TUT1: variants seen among roughly 807,000 people sequenced by gnomAD.
TUT1 encodes speckle targeted PIP5K1A-regulated poly(A) polymerase.
A neutral mutation model predicts 48.8 loss-of-function variants in TUT1; 26 were observed. The observed-to-expected ratio is 0.53, with a 90% CI of 0.39 to 0.74. The LOEUF is 0.74. Ranked by LOEUF, TUT1 falls within the 30% of genes least tolerant of loss-of-function variation. The pLI, the probability that TUT1 is intolerant of heterozygous loss-of-function variation, is 0.00. For missense variants in TUT1, 1,065 were observed against 1,114.8 expected (o/e 0.96, Z 0.64); for synonymous variants, 470 against 460.8 (o/e 1.02, Z -0.26).
rs1941770683 is a variant in TUT1 at position 62,578,627 on chromosome 11, C to T, written c.1094G>A (p.Arg365Gln). The change falls in exon 5 of 9, where the codon CGG (arginine) becomes CAG (glutamine). Residue 365 changes from arginine (R) to glutamine (Q), a missense_variant. Arg to Gln is a conservative substitution (Grantham distance 43, BLOSUM62 1). Coordinates refer to ENST00000476907, the MANE Select transcript of TUT1 (RefSeq NM_022830.3). ...ATGACAGAACTTGACCACAGGGCGCCGGGCAGAGGGCACAGTTTGGACTCG... is the reference window on the plus strand; with the variant it reads ...ATGACAGAACTTGACCACAGGGCGCTGGGCAGAGGGCACAGTTTGGACTCG... ...VYRVQTVPSA[R>Q]RPVVKFCHRP... 1.2e-6 allele frequency: 2 copies of T among 1,614,088 alleles called. No individual in the cohort carries two copies. The highest frequency in any genetic ancestry group is 1.7e-6 in the Non-Finnish European group (2 of 1,179,994).
Position 62,589,161 on chromosome 11 carries a change from G to T in TUT1, c.143C>A (p.Ala48Asp). 6.2e-7 allele frequency: 1 copy of T among 1,614,248 alleles called. No individual in the cohort carries two copies. ...TCGAAGTCCCTGGGCCTTTCTCGCA[G>T]CTCGTAGTTCTACCAGGTGCCGGTG... ...RKHRHLVELR[A>D]ARKAQGLRSV... Residue 48 changes from alanine (A) to aspartate (D), a missense_variant, in exon 2 of 9, where the codon GCT (alanine) becomes GAT (aspartate). Physicochemically the swap from Ala to Asp is moderately radical, Grantham distance 126 (BLOSUM62 -2). Coordinates refer to ENST00000476907, the MANE Select transcript of TUT1 (RefSeq NM_022830.3).
At chr11:62,581,270 C>CA in intron 3 of TUT1, 64 bp from the exon 4 acceptor site, 1 of 1,581,052 alleles carries the variant, frequency 6.3e-7, no homozygotes, top group Non-Finnish European at 8.7e-7. Context: ...AAGAACAAAA[C>CA]AGAGCACAAA....
At chr11:62,587,021 C>T (rs1941928179) in intron 2 of TUT1, among the ~76,000 whole-genome samples, 1 of 134,904 alleles carries the variant, frequency 7.4e-6, no homozygotes, top group Non-Finnish European at 1.5e-5. Flanking sequence ...AATACTTTTT[C>T]TAAAGGCCTC....
intron 2 of TUT1, among the ~76,000 whole-genome samples, chr11:62,586,448 A>G (rs539556219): frequency 1.4e-4 from 21 of 152,362 alleles, no homozygotes; most frequent in African/African-American, 5.0e-4. Context: ...TAATGTGCTT[A>G]GCACACAATT....
rs144904888 is a variant in TUT1, at chr11:62,575,923, G to A, written c.1796C>T (p.Ser599Phe). Residue 599 changes from serine to phenylalanine, a missense_variant, in exon 9 of 9, where the codon TCC becomes TTC. Coordinates refer to ENST00000476907, the MANE Select transcript of TUT1 (RefSeq NM_022830.3). ...WGLLPLLQPS[S>F]PSSLLSATPI... ...CGTAGCAGAGAGCAGGGAGCTGGGGGAGCTGGGCTGCAGAAGAGGGAGCAG... is the reference window on the plus strand; with the variant it reads ...CGTAGCAGAGAGCAGGGAGCTGGGGAAGCTGGGCTGCAGAAGAGGGAGCAG... 9 of 1,614,172 alleles carry A rather than the reference G, an allele frequency of 5.6e-6. No homozygotes were observed. The Admixed American group carries it at 6.7e-5, about 12-fold the overall frequency.
At position 62,577,009 on chromosome 11, in the gene TUT1, G is replaced by A; in HGVS notation, c.1279C>T (p.Pro427Ser). 1 of 1,613,880 alleles carries A rather than the reference G, an allele frequency of 6.2e-7. No homozygotes were observed. Among genetic ancestry groups the A allele is most frequent in the Admixed American group, 1.7e-5 (1 of 60,000 alleles). The change falls in exon 7 of 9, where the codon CCC becomes TCC. Residue 427 changes from proline to serine, a missense_variant. Coordinates refer to ENST00000476907, the MANE Select transcript of TUT1 (RefSeq NM_022830.3). ...AQGRGLSGSG[P>S]LLSNYALTLL... ...GTCAGGGCGTAGTTACTGAGAAGGG[G>A]GCCACTCCCTGGGTAAATAAGCAAT... is the stretch of plus-strand genomic sequence containing the variant.
intron 3 of TUT1, 39 bp from the exon 4 acceptor site, chr11:62,581,245 G>A: frequency 6.3e-7 from 1 of 1,598,624 alleles, no homozygotes; most frequent in Non-Finnish European, 8.6e-7. Flanking sequence ...AGAGAAGTTA[G>A]GGAGGAGCAG....
chr11:62,577,503 C>G (rs1368288216), intron 5 of TUT1, among the ~76,000 whole-genome samples: 1 of 151,170 alleles, frequency 6.6e-6, no homozygotes, highest in African/African-American at 2.4e-5. Flanking sequence ...TGGACATTCA[C>G]AGCACATTAT....
chr11:62,575,611 C>G lies in TUT1; in HGVS notation c.2108G>C (p.Trp703Ser). The stretch of plus-strand genomic sequence containing the variant: ...TGGCTGCCCAGGGCTCTGCATGGCC[C>G]AGTCCTGCACCATCTCTCCAACCTC... ...VIEVGEMVQD[W>S]AMQSPGQPGD... The change falls in exon 9 of 9, where the codon TGG becomes TCG. Residue 703 changes from tryptophan to serine, a missense_variant. Coordinates refer to ENST00000476907, the MANE Select transcript of TUT1 (RefSeq NM_022830.3). The G allele has an allele frequency of 6.2e-7, 1 of 1,614,224 alleles. No homozygotes were observed. Among genetic ancestry groups the G allele is most frequent in the Admixed American group, 1.7e-5 (1 of 60,032 alleles).
intron 2 of TUT1, among the ~76,000 whole-genome samples, chr11:62,587,225 A>AG (rs1332235829): frequency 1.3e-5 from 2 of 152,010 alleles, no homozygotes; most frequent in Admixed American, 6.6e-5. Context: ...CTTGTTGCCC[A>AG]GGCTGGAATG....
rs1352161296 is a variant in TUT1 at position 62,581,128 on chromosome 11, A to G, written c.668T>C (p.Leu223Pro). 1 of 1,614,174 alleles carries G rather than the reference A, an allele frequency of 6.2e-7. No individual in the cohort carries two copies. ...CACCTGGGGCTCTTCCAAGTCACCC[A>G]GATCCAAGAAGAGGTCAAGATCACA... ...HGCDLDLFLD[L>P]GDLEEPQPVP... Residue 223 changes from leucine (L) to proline (P), a missense_variant, in exon 4 of 9, where the codon CTG (leucine) becomes CCG (proline). Leu to Pro is a moderately conservative substitution (Grantham distance 98). Coordinates refer to ENST00000476907, the MANE Select transcript of TUT1 (RefSeq NM_022830.3).
At position 62,575,098 on chromosome 11, in the gene TUT1, T is replaced by C. The variant is rs1224366855; in HGVS notation, c.2621A>G (p.Lys874Arg). 6.4e-7 allele frequency: 1 copy of C among 1,561,802 alleles called. No homozygotes were observed. The highest frequency in any genetic ancestry group is 8.7e-7 in the Non-Finnish European group (1 of 1,153,024). Residue 874 changes from lysine (K) to arginine (R), a missense_variant, in exon 9 of 9, where the codon AAG becomes AGG. Coordinates refer to ENST00000476907, the MANE Select transcript of TUT1 (RefSeq NM_022830.3). ...VFLPQAIRHL[K>R] ...TGCCCTTCAGGGGCCATGTCTTCAC[T>C]TGAGATGTCGAATTGCTTGAGGGAG...
rs1941787413 is a variant in TUT1 at position 62,579,231 on chromosome 11, AT to A, written c.691-202del. Among the ~76,000 whole-genome samples the A allele has an allele frequency of 2.0e-5, 3 of 152,204 alleles. No homozygotes were observed. In the South Asian group the frequency reaches 6.2e-4, roughly 32 times the overall value. Reference sequence around the variant, plus strand: ...AATAAAAGGTCTACCTCTGCAAAAAATGTCATTGTCGTGAAAGACAAAAACA... The same window carrying A: ...AATAAAAGGTCTACCTCTGCAAAAAAGTCATTGTCGTGAAAGACAAAAACA... On this transcript the variant is annotated intron_variant, in intron 4 of 8. Coordinates refer to ENST00000476907, the MANE Select transcript of TUT1 (RefSeq NM_022830.3).
In TUT1 at chr11:62,591,435, G is replaced by A; in HGVS notation, c.51C>T (p.Arg17=). 6.2e-7 allele frequency: 1 copy of A among 1,605,848 alleles called. No homozygotes were observed. Among genetic ancestry groups the A allele is most frequent in the Non-Finnish European group, 8.5e-7 (1 of 1,176,292 alleles). ...DVESLPRGGF[R]CCLCHVTTAN... ...CTGTAGTAACGTGGCAGAGGCAGCAGCGGAACCCCCCACGCGGCAGCGATT... is the reference window on the plus strand; with the variant it reads ...CTGTAGTAACGTGGCAGAGGCAGCAACGGAACCCCCCACGCGGCAGCGATT... The change falls in exon 1 of 9, where the codon CGC becomes CGT. Residue 17 remains arginine (R), a synonymous_variant. Transcript: ENST00000476907.
At position 62,575,257 on chromosome 11, in the gene TUT1, T is replaced by C; in HGVS notation, c.2462A>G (p.Glu821Gly). The C allele has an allele frequency of 5.0e-6, 8 of 1,614,170 alleles. No individual in the cohort carries two copies. The highest frequency in any genetic ancestry group is 6.8e-6 in the Non-Finnish European group (8 of 1,180,004). Reference protein sequence around the residue: ...TQELKGLSGGEERPETEPLLS... With the variant: ...TQELKGLSGGGERPETEPLLS... ...CAGGGGCTCAGTTTCTGGCCTCTCT[T>C]CGCCACCACTCAGTCCTTTCAGCTC... is the stretch of plus-strand genomic sequence containing the variant. Residue 821 changes from glutamate to glycine, a missense_variant, in exon 9 of 9, where the codon GAA (glutamate) becomes GGA (glycine). Glu to Gly is a moderately conservative substitution (Grantham distance 98). Coordinates refer to ENST00000476907, the MANE Select transcript of TUT1 (RefSeq NM_022830.3).
At chr11:62,591,348 G>C (rs1942010257) in intron 1 of TUT1, 56 bp downstream of exon 1, 1 of 1,497,204 alleles carries the variant, frequency 6.7e-7, no homozygotes, top group Admixed American at 2.3e-5. Flanking sequence ...CTTTCGCCAG[G>C]ATCAAAAGAC....
At position 62,578,448 on chromosome 11, in the gene TUT1, G is replaced by A. The variant is rs1941766194; in HGVS notation, c.1160+113C>T. ...TAATCCCAGCTACTTGGGAGGCTGA[G>A]GCAGGAGAATCACTTCAACCTGGGA... On this transcript the variant is annotated intron_variant, in intron 5 of 8. Transcript: ENST00000476907. 6.0e-6 allele frequency: 6 copies of A among 1,002,552 alleles called. 1 individual carries two copies. The South Asian group carries it at 8.4e-5, about 14-fold the overall frequency. 62.1% of individuals were successfully genotyped at this position (1,002,552 alleles called of 1,614,324 possible).
intron 4 of TUT1, among the ~76,000 whole-genome samples, chr11:62,579,391 G>C (rs1000929517): frequency 2.6e-5 from 4 of 152,100 alleles, no homozygotes; most frequent in Non-Finnish European, 5.9e-5. Context: ...CTTGATAATG[G>C]TACTGTGGTT....
Position 62,577,004 on chromosome 11 carries a change from A to T in TUT1, c.1284T>A (p.Leu428=). The T allele has an allele frequency of 6.2e-7, 1 of 1,614,012 alleles. No homozygotes were observed. The change falls in exon 7 of 9, where the codon CTT becomes CTA. Residue 428 remains leucine, a synonymous_variant. Transcript: ENST00000476907. ...QGRGLSGSGP[L]LSNYALTLLV... ...GCAAGGTCAGGGCGTAGTTACTGAG[A>T]AGGGGGCCACTCCCTGGGTAAATAA...
Sources: gnomAD v4.1 joint callset for allele counts (sites outside exome capture counted in the v4.1 genomes callset) on GRCh38, gnomAD v4.1.1 for gene constraint, MANE v1.5 for transcripts, NCBI Gene and HGNC (gene_info 2026-07-23, HGNC 2026-07-21) for gene names.